Variants in SH3D19 observed in about 807,000 individuals in gnomAD.
SH3D19 encodes the protein SH3 domain-containing protein 19.
SH3D19 carries 58 observed loss-of-function variants against 112.1 expected under a neutral mutation model. The observed-to-expected ratio is 0.52, with a 90% confidence interval of 0.42 to 0.64. The LOEUF (loss-of-function observed/expected upper bound fraction) is 0.64. Ranked by LOEUF, SH3D19 falls within the 30% of genes least tolerant of loss-of-function variation. The probability of loss-of-function intolerance (pLI) is 0.00; values close to 1 mark genes in which losing one functional copy is unlikely to be tolerated. For synonymous variants in SH3D19, 391 were observed against 448.5 expected (o/e 0.87, Z 1.62); for missense variants, 1,090 against 1,263.4 (o/e 0.86, Z 2.08).
intron 1 of SH3D19, among the ~76,000 whole-genome samples, chr4:151,255,070 C>CG (rs1241965074): frequency 4.8e-4 from 68 of 143,130 alleles, no homozygotes; most frequent in Admixed American, 3.4e-3. Context: ...GCTGGCCGGG[C>CG]GGGGGGCTGA....
rs2149826010 is a variant in SH3D19, at chr4:151,174,898, A to G, written c.1306T>C (p.Tyr436His). ...KKSVSSENPTYPSAPLKPVTV... is the reference protein window; with the variant it reads ...KKSVSSENPTHPSAPLKPVTV... ...ACAGGTTTCAGTGGAGCTGAAGGGTAGGTGGGGTTTTCTGAGGAAACAGAT... is the reference window on the plus strand; with the variant it reads ...ACAGGTTTCAGTGGAGCTGAAGGGTGGGTGGGGTTTTCTGAGGAAACAGAT... The change falls in exon 7 of 20, where the codon TAC (tyrosine) becomes CAC (histidine). Residue 436 changes from tyrosine to histidine, a missense_variant. Tyr to His is a moderately conservative substitution (Grantham distance 83, BLOSUM62 2). Transcript: ENST00000604030. 1 of 1,613,070 alleles carries G rather than the reference A, an allele frequency of 6.2e-7. No individual in the cohort carries two copies. The highest frequency in any genetic ancestry group is 8.5e-7 in the Non-Finnish European group (1 of 1,179,342).
chr4:151,226,287 A>C, intron 1 of SH3D19: 1 of 1,218,796 alleles, frequency 8.2e-7, no homozygotes, highest in Non-Finnish European at 1.0e-6. Context: ...ATAAAAGCTT[A>C]CGGTTTGTTA....
intron 1 of SH3D19, among the ~76,000 whole-genome samples, chr4:151,286,702 A>G (rs1329564658): frequency 6.6e-6 from 1 of 151,680 alleles, no homozygotes; most frequent in Non-Finnish European, 1.5e-5. Context: ...AATTCTGGCC[A>G]CAGGCAGTGG....
rs368146317 is a variant in SH3D19 at position 151,255,270 on chromosome 4, C to T, written c.113-29184G>A. ...GCGGAGGGGCTCCTCACTTCTCAGA[C>T]GGGGCGGTTGCCGGGCAGAGGGTCT... On this transcript the variant is annotated intron_variant, in intron 1 of 19. Coordinates refer to ENST00000604030, the MANE Select transcript of SH3D19 (RefSeq NM_001378122.1). 4.5e-4 allele frequency among the ~76,000 whole-genome samples: 64 copies of T among 142,960 alleles called. 1 individual carries two copies. The East Asian group carries it at 5.9e-3, about 13-fold the overall frequency. The allele number at this position is 142,960 out of a possible 152,430, so 93.8% of individuals were successfully genotyped here. A position where few individuals can be genotyped will look rare whatever the true frequency, so the allele number is the denominator to read the frequency against.
At chr4:151,279,374 G>T (rs926134903) in intron 1 of SH3D19, among the ~76,000 whole-genome samples, 1 of 152,146 alleles carries the variant, frequency 6.6e-6, no homozygotes, top group African/African-American at 2.4e-5. Flanking sequence ...TAAGTTAAAT[G>T]ATATTCCATG....
intron 1 of SH3D19, among the ~76,000 whole-genome samples, chr4:151,268,964 G>A (rs1198362659): frequency 6.6e-6 from 1 of 152,166 alleles, no homozygotes; most frequent in East Asian, 1.9e-4. Context: ...CCAGTAATGG[G>A]ATGGCTGGGT....
At chr4:151,277,148 G>T (rs368188952) in intron 1 of SH3D19, 2 of 1,398,770 alleles carry the variant, frequency 1.4e-6, no homozygotes, top group Non-Finnish European at 1.9e-6. Context: ...AGCAGGAAGC[G>T]CTCACTGGCT....
intron 3 of SH3D19, among the ~76,000 whole-genome samples, chr4:151,187,203 A>C (rs929832119): frequency 1.1e-4 from 16 of 152,156 alleles, no homozygotes; most frequent in Non-Finnish European, 2.2e-4. Flanking sequence ...AAAAAACCCC[A>C]GCTTTGTTCT....
chr4:151,181,810 T>C (rs1248740019), intron 3 of SH3D19: 1 of 152,168 alleles, frequency 6.6e-6, no homozygotes, highest in African/African-American at 2.4e-5. Context: ...TTAAAAGGAA[T>C]TCAGGAGCAT....
At chr4:151,279,921 G>A (rs1561425975) in intron 1 of SH3D19, 1 of 1,613,620 alleles carries the variant, frequency 6.2e-7, no homozygotes. Flanking sequence ...CCTCGTCAGT[G>A]AGAGGTTGAT....
intron 1 of SH3D19, among the ~76,000 whole-genome samples, chr4:151,275,489 A>G (rs1483163612): frequency 6.6e-6 from 1 of 152,162 alleles, no homozygotes; most frequent in African/African-American, 2.4e-5. Context: ...GTTGCCTGTA[A>G]CTGAATAGTT....
chr4:151,191,368 G>A, intron 2 of SH3D19, among the ~76,000 whole-genome samples: 1 of 152,124 alleles, frequency 6.6e-6, no homozygotes, highest in South Asian at 2.1e-4. Context: ...CATGACATTT[G>A]GGAGGGGCCA....
rs73861149 is a variant in SH3D19, at chr4:151,279,361, T to A, written c.112+45880A>T. 9.0e-3 allele frequency among the ~76,000 whole-genome samples: 1,372 copies of A among 152,064 alleles called. 19 individuals are homozygous for A. Among genetic ancestry groups the A allele is most frequent in the African/African-American group, 0.03 (1,261 of 41,480 alleles). On this transcript the variant is annotated intron_variant, in intron 1 of 19. Coordinates refer to ENST00000604030, the MANE Select transcript of SH3D19 (RefSeq NM_001378122.1). ...CACTATCCCTGGTTTAAAAAAAAAA[T>A]TTTAAGTTAAATGATATTCCATGTG... is the stretch of plus-strand genomic sequence containing the variant.
intron 1 of SH3D19, among the ~76,000 whole-genome samples, chr4:151,304,670 A>C (rs2126342948): frequency 6.6e-6 from 1 of 152,320 alleles, no homozygotes; most frequent in East Asian, 1.9e-4. Flanking sequence ...AAGCTAACCA[A>C]AAAGGTTGGG....
At chr4:151,264,315 C>G (rs968995513) in intron 1 of SH3D19, among the ~76,000 whole-genome samples, 1 of 151,232 alleles carries the variant, frequency 6.6e-6, no homozygotes, top group African/African-American at 2.4e-5. Context: ...CCTGTAATCC[C>G]AGCCACCCGG....
intron 2 of SH3D19, among the ~76,000 whole-genome samples, chr4:151,199,978 A>G (rs1764156931): frequency 6.6e-6 from 1 of 152,114 alleles, no homozygotes; most frequent in Non-Finnish European, 1.5e-5. Flanking sequence ...AGCCCTCATG[A>G]ATGGGATTAA....
At chr4:151,262,139 A>G (rs987368344) in intron 1 of SH3D19, among the ~76,000 whole-genome samples, 2 of 152,214 alleles carry the variant, frequency 1.3e-5, no homozygotes, top group South Asian at 4.1e-4. Flanking sequence ...GGTCTTGTTC[A>G]GCGCCAGGGA....
At chr4:151,210,177 C>T (rs1429119261) in intron 2 of SH3D19, among the ~76,000 whole-genome samples, 2 of 151,940 alleles carry the variant, frequency 1.3e-5, no homozygotes, top group Non-Finnish European at 2.9e-5. Context: ...AATTCTACTG[C>T]TAAGAATTTA....
chr4:151,316,172 C>CA (rs1258347952), intron 1 of SH3D19, among the ~76,000 whole-genome samples: 1 of 152,142 alleles, frequency 6.6e-6, no homozygotes, highest in African/African-American at 2.4e-5. Context: ...ATCTTCCTCT[C>CA]AAACACCCGT....
Sources: gnomAD v4.1 joint callset for allele counts (sites outside exome capture counted in the v4.1 genomes callset) on GRCh38, gnomAD v4.1.1 for gene constraint, MANE v1.5 for transcripts, NCBI Gene and HGNC (gene_info 2026-07-23, HGNC 2026-07-21) for gene names.